STXBP5L: variants seen among roughly 807,000 people sequenced by gnomAD.
STXBP5L encodes syntaxin binding protein 5L.
A neutral mutation model predicts 144.5 loss-of-function variants in STXBP5L; 65 were observed. That is an observed-to-expected ratio of 0.45 (90% CI 0.37 to 0.55). The LOEUF (loss-of-function observed/expected upper bound fraction) is 0.55, where lower values mean the gene tolerates loss of function less well. Among genes scored for constraint, STXBP5L ranks in the 20% least tolerant of loss-of-function variants. STXBP5L has a pLI of 0.00. For synonymous variants in STXBP5L, 505 were observed against 469.6 expected, an observed-to-expected ratio of 1.08 and a Z score of -0.97; for missense variants, 1,298 against 1,405.5, an observed-to-expected ratio of 0.92 and a Z score of 1.22.
At chr3:121,372,562 C>T (rs2046064501) in intron 20 of STXBP5L, among the ~76,000 whole-genome samples, 1 of 152,202 alleles carries the variant, frequency 6.6e-6, no homozygotes, top group African/African-American at 2.4e-5. Flanking sequence ...GACTGCTCAA[C>T]TCACCCCTTT....
chr3:121,011,013 G>C (rs1320853463), intron 3 of STXBP5L, among the ~76,000 whole-genome samples: 1 of 150,196 alleles, frequency 6.7e-6, no homozygotes, highest in Admixed American at 6.7e-5. Flanking sequence ...TATTATTTGG[G>C]TTCAGTAGGG....
At chr3:121,301,435 G>T (rs1487866274) in intron 19 of STXBP5L, among the ~76,000 whole-genome samples, 1 of 152,166 alleles carries the variant, frequency 6.6e-6, no homozygotes, top group African/African-American at 2.4e-5. Context: ...TCAGCTTAAG[G>T]AGATTTTGGG....
At chr3:121,352,804 T>A (rs371328295) in intron 20 of STXBP5L, among the ~76,000 whole-genome samples, 1 of 152,118 alleles carries the variant, frequency 6.6e-6, no homozygotes, top group Admixed American at 6.6e-5. Context: ...TTGAGTATGA[T>A]ATTGGGTGTG....
intron 3 of STXBP5L, among the ~76,000 whole-genome samples, chr3:120,980,935 ATATTT>A (rs1390398470): frequency 2.6e-5 from 4 of 152,092 alleles, no homozygotes; most frequent in Admixed American, 2.6e-4. Context: ...TGTCTAGGAA[ATATTT>A]TATTTTATTT....
At chr3:121,167,866 A>G (rs2046558633) in intron 9 of STXBP5L, among the ~76,000 whole-genome samples, 1 of 151,932 alleles carries the variant, frequency 6.6e-6, no homozygotes, top group Non-Finnish European at 1.5e-5. Flanking sequence ...TGGGTCCCTG[A>G]CCCCCATGCC....
chr3:120,994,255 T>C (rs891129751), intron 3 of STXBP5L, among the ~76,000 whole-genome samples: 1 of 152,138 alleles, frequency 6.6e-6, no homozygotes, highest in African/African-American at 2.4e-5. Context: ...TGACTTCCTC[T>C]TTTCTAATTT....
At chr3:121,355,773 A>G (rs527646563) in intron 20 of STXBP5L, among the ~76,000 whole-genome samples, 1 of 151,944 alleles carries the variant, frequency 6.6e-6, no homozygotes, top group African/African-American at 2.4e-5. Context: ...AGGCACTCTG[A>G]TTTTTCGAAT....
intron 3 of STXBP5L, among the ~76,000 whole-genome samples, chr3:121,019,669 GAAAT>G: frequency 6.6e-6 from 1 of 152,296 alleles, no homozygotes; most frequent in Middle Eastern, 3.4e-3. Context: ...ATCTGGAAGA[GAAAT>G]AACAATCGCA....
At chr3:120,995,328 T>A (rs181195705) in intron 3 of STXBP5L, among the ~76,000 whole-genome samples, 44 of 152,100 alleles carry the variant, frequency 2.9e-4, no homozygotes, top group Admixed American at 2.6e-3. Context: ...TTTTATTTTT[T>A]GTAGATGTAG....
At chr3:120,968,555 C>T (rs1939864858) in intron 3 of STXBP5L, among the ~76,000 whole-genome samples, 1 of 152,040 alleles carries the variant, frequency 6.6e-6, no homozygotes, top group Non-Finnish European at 1.5e-5. Context: ...TCCATTCAGC[C>T]ACCCTGCATT....
chr3:121,342,023 T>A (rs1180017357), intron 20 of STXBP5L, among the ~76,000 whole-genome samples: 1 of 152,142 alleles, frequency 6.6e-6, no homozygotes, highest in Non-Finnish European at 1.5e-5. Flanking sequence ...GGAAGGGTAA[T>A]TGCTTGATGT....
chr3:120,971,078 A>G (rs956323175), intron 3 of STXBP5L, among the ~76,000 whole-genome samples: 1 of 152,096 alleles, frequency 6.6e-6, no homozygotes, highest in Admixed American at 6.6e-5. Flanking sequence ...CTAGGACTTA[A>G]TTCTGACATT....
At chr3:120,960,477 C>G (rs1024070610) in intron 3 of STXBP5L, among the ~76,000 whole-genome samples, 3 of 152,246 alleles carry the variant, frequency 2.0e-5, no homozygotes, top group Non-Finnish European at 4.4e-5. Context: ...TATTGTGGCA[C>G]TATTCATAAT....
intron 9 of STXBP5L, among the ~76,000 whole-genome samples, chr3:121,200,044 T>C (rs891185865): frequency 6.6e-6 from 1 of 152,210 alleles, no homozygotes; most frequent in Admixed American, 6.5e-5. Flanking sequence ...TTTGGAATAG[T>C]TTCAGAAGGA....
intron 7 of STXBP5L, among the ~76,000 whole-genome samples, chr3:121,144,170 G>T (rs997468580): frequency 5.4e-5 from 8 of 149,260 alleles, no homozygotes; most frequent in South Asian, 4.2e-4. Flanking sequence ...CTAGTAACCC[G>T]ATTTTAAAAT....
intron 6 of STXBP5L, among the ~76,000 whole-genome samples, chr3:121,119,742 C>T (rs1222419036): frequency 1.3e-5 from 2 of 151,152 alleles, no homozygotes; most frequent in Non-Finnish European, 3.0e-5. Flanking sequence ...AGAAATACCC[C>T]AAAATGTTAA....
At chr3:121,221,931 G>C (rs1188122258) in intron 10 of STXBP5L, among the ~76,000 whole-genome samples, 3 of 151,762 alleles carry the variant, frequency 2.0e-5, no homozygotes, top group African/African-American at 7.2e-5. Context: ...ATGTCCCACT[G>C]ATAATGTTTG....
chr3:121,347,092 C>A (rs1298936174), intron 20 of STXBP5L, among the ~76,000 whole-genome samples: 1 of 152,126 alleles, frequency 6.6e-6, no homozygotes, highest in Non-Finnish European at 1.5e-5. Context: ...TTAGGTCTAA[C>A]ATTTAAGTCT....
In STXBP5L at chr3:121,419,038, G is replaced by C. The variant is rs750625823; in HGVS notation, c.3448-18G>C. On this transcript the variant is annotated intron_variant, in intron 26 of 26. Transcript: ENST00000471454. ...TAAAGTATTTTAGCGTCTTATGGTG[G>C]CTATTTTTTCTTTGCAGTTAATGCT... 35 of 1,609,398 alleles carry C rather than the reference G, an allele frequency of 2.2e-5. No individual in the cohort carries two copies. The highest frequency in any genetic ancestry group is 2.9e-5 in the Non-Finnish European group (34 of 1,178,210).
Sources: allele counts gnomAD v4.1 joint callset (sites outside exome capture counted in the v4.1 genomes callset), GRCh38; gene constraint gnomAD v4.1.1; transcripts MANE v1.5; gene names NCBI Gene and HGNC (gene_info 2026-07-23, HGNC 2026-07-21).